ARHGAP12: variants seen among roughly 807,000 people sequenced by gnomAD.
The protein encoded by ARHGAP12 is rho GTPase-activating protein 12.
Under a neutral mutation model 108.6 loss-of-function variants are expected in ARHGAP12, and 64 were observed. That is an observed-to-expected ratio of 0.59 (90% CI 0.48 to 0.73). ARHGAP12 has a LOEUF of 0.73. Among genes scored for constraint, ARHGAP12 ranks in the 30% least tolerant of loss-of-function variants. The pLI is 0.00. For missense variants in ARHGAP12, 940 were observed against 1,005.9 expected, an observed-to-expected ratio of 0.93 and a Z score of 0.89; for synonymous variants, 312 against 337.2, an observed-to-expected ratio of 0.93 and a Z score of 0.82.
chr10:31,887,761 C>T (rs1358740385), intron 3 of ARHGAP12, among the ~76,000 whole-genome samples: 3 of 151,626 alleles, frequency 2.0e-5, no homozygotes. Flanking sequence ...GGGTTCACCC[C>T]ATTCTCCTGC....
intron 10 of ARHGAP12, 61 bp downstream of exon 10, chr10:31,831,676 ATT>A: frequency 2.6e-6 from 3 of 1,137,266 alleles, no homozygotes; most frequent in Non-Finnish European, 3.8e-6. Flanking sequence ...AAATAATTAT[ATT>A]GAGAATTTTT....
At chr10:31,808,818 T>C in intron 18 of ARHGAP12, 67 bp from the exon 19 acceptor site, 1 of 1,535,114 alleles carries the variant, frequency 6.5e-7, no homozygotes, top group East Asian at 2.2e-5. Context: ...ATGTCACAGT[T>C]TGGAAGCTGA....
intron 8 of ARHGAP12, 149 bp from the exon 9 acceptor site, chr10:31,839,468 T>C: frequency 1.8e-6 from 2 of 1,119,594 alleles, no homozygotes; most frequent in Non-Finnish European, 2.5e-6. Context: ...AGGGGGACTT[T>C]TAAATCAATA....
At position 31,908,152 on chromosome 10, in the gene ARHGAP12, C is replaced by T; in HGVS notation, c.684+20G>A. ...TCACTAGGGTGGTACAGTGTTTCCTCATTCTATTTTTAATCTTACCCTTAT... is the reference window on the plus strand; with the variant it reads ...TCACTAGGGTGGTACAGTGTTTCCTTATTCTATTTTTAATCTTACCCTTAT... On this transcript the variant is annotated intron_variant, in intron 3 of 19. Coordinates refer to ENST00000344936, the MANE Select transcript of ARHGAP12 (RefSeq NM_018287.7). The T allele has an allele frequency of 6.5e-7, 1 of 1,539,634 alleles. No homozygotes were observed.
intron 1 of ARHGAP12, among the ~76,000 whole-genome samples, chr10:31,923,058 G>A (rs1213576007): frequency 1.3e-5 from 2 of 148,256 alleles, no homozygotes; most frequent in Non-Finnish European, 3.0e-5. Flanking sequence ...TTGAGCCTGG[G>A]AGTTCGCGAC....
chr10:31,813,222 CA>C (rs1199853356), intron 14 of ARHGAP12, among the ~76,000 whole-genome samples: 2 of 152,054 alleles, frequency 1.3e-5, no homozygotes, highest in East Asian at 3.8e-4. Flanking sequence ...CACAACAAAA[CA>C]ATCCCTATCT....
chr10:31,888,996 G>A (rs1838297996), intron 3 of ARHGAP12, among the ~76,000 whole-genome samples: 1 of 151,772 alleles, frequency 6.6e-6, no homozygotes, highest in Non-Finnish European at 1.5e-5. Flanking sequence ...TGCAACCTCT[G>A]CCTCCCAGGT....
chr10:31,878,894 T>C (rs1837834840), intron 3 of ARHGAP12, among the ~76,000 whole-genome samples: 1 of 152,266 alleles, frequency 6.6e-6, no homozygotes, highest in Non-Finnish European at 1.5e-5. Context: ...CAGATGAATA[T>C]GTATTGTTCT....
At position 31,831,799 on chromosome 10, in the gene ARHGAP12, T is replaced by A. The variant is rs1163175847; in HGVS notation, c.1388A>T (p.Asp463Val). The A allele has an allele frequency of 3.2e-6, 5 of 1,569,170 alleles. No individual in the cohort carries two copies. The highest frequency in any genetic ancestry group is 4.4e-6 in the Non-Finnish European group (5 of 1,143,070). The change falls in exon 10 of 20, where the codon GAT becomes GTT. Residue 463 changes from aspartate to valine, a missense_variant and splice_region_variant. Transcript: ENST00000344936. ...ATTTAATAATCCATATTTCTCTTGA[T>A]CCTATGGAACAGAGTAATACTGTTT... Reference protein sequence around the residue: ...KHQDTASSPKDQEKYGLLNVT... With the variant: ...KHQDTASSPKVQEKYGLLNVT...
intron 3 of ARHGAP12, among the ~76,000 whole-genome samples, chr10:31,862,751 C>T (rs1162510322): frequency 6.7e-6 from 1 of 148,850 alleles, no homozygotes; most frequent in African/African-American, 2.5e-5. Flanking sequence ...CACACACACA[C>T]GCCTCCGACG....
intron 3 of ARHGAP12, among the ~76,000 whole-genome samples, chr10:31,879,777 AT>A (rs1837866985): frequency 6.6e-6 from 1 of 152,224 alleles, no homozygotes. Context: ...GATAAATTCC[AT>A]AACTAATACC....
Position 31,807,845 on chromosome 10 carries a change from A to G in ARHGAP12, c.2367-13T>C. 1.3e-6 allele frequency: 2 copies of G among 1,497,270 alleles called. No homozygotes were observed. Among genetic ancestry groups the G allele is most frequent in the Non-Finnish European group, 1.8e-6 (2 of 1,120,516 alleles). 92.7% of individuals were successfully genotyped at this position (1,497,270 alleles called of 1,614,324 possible). ...ATTTTCTATAACTCTGAAGGGAAAA[A>G]AAGAAGTTGTTAAAAGAGAAAATAA... On this transcript the variant is annotated splice_polypyrimidine_tract_variant and intron_variant, in intron 19 of 19. Coordinates refer to ENST00000344936, the MANE Select transcript of ARHGAP12 (RefSeq NM_018287.7).
At chr10:31,913,536 AG>A (rs1839436807) in intron 1 of ARHGAP12, 4 of 171,510 alleles carry the variant, frequency 2.3e-5, no homozygotes, top group African/African-American at 7.2e-5. Flanking sequence ...GGAGAGCTGC[AG>A]GTGACAAGCA....
chr10:31,843,277 T>C (rs1436890576), intron 7 of ARHGAP12, among the ~76,000 whole-genome samples, 184 bp downstream of exon 7: 1 of 152,066 alleles, frequency 6.6e-6, no homozygotes, highest in Non-Finnish European at 1.5e-5. Flanking sequence ...TGCAATTTGG[T>C]AAAAGAAACA....
intron 14 of ARHGAP12, 43 bp from the exon 15 acceptor site, chr10:31,812,866 G>GT (rs763544232): frequency 5.1e-6 from 6 of 1,187,694 alleles, no homozygotes; most frequent in South Asian, 1.4e-5. Flanking sequence ...TAAAAATAAA[G>GT]TTTTTTTGAT....
chr10:31,870,551 T>C (rs534961503), intron 3 of ARHGAP12, among the ~76,000 whole-genome samples: 18 of 152,242 alleles, frequency 1.2e-4, no homozygotes, highest in Non-Finnish European at 8.8e-5. Context: ...TAATAATAAA[T>C]TGTGTAGTTA....
intron 3 of ARHGAP12, among the ~76,000 whole-genome samples, chr10:31,889,768 A>G (rs1401748374): frequency 3.3e-5 from 5 of 151,404 alleles, no homozygotes; most frequent in South Asian, 2.1e-4. Context: ...CTGGGACTAC[A>G]GGCATGCCCT....
chr10:31,812,467 T>C (rs1835056977), intron 15 of ARHGAP12, among the ~76,000 whole-genome samples: 1 of 152,200 alleles, frequency 6.6e-6, no homozygotes, highest in Admixed American at 6.5e-5. Flanking sequence ...ATCCATGTAG[T>C]TCCTCTGAAA....
chr10:31,828,977 C>A (rs1033885783), intron 10 of ARHGAP12, among the ~76,000 whole-genome samples: 3 of 152,142 alleles, frequency 2.0e-5, no homozygotes, highest in Non-Finnish European at 4.4e-5. Flanking sequence ...AATGGTGAAA[C>A]CCCGTCTCTA....
Sources: gnomAD v4.1 joint callset for allele counts (sites outside exome capture counted in the v4.1 genomes callset) on GRCh38, gnomAD v4.1.1 for gene constraint, MANE v1.5 for transcripts, NCBI Gene and HGNC (gene_info 2026-07-23, HGNC 2026-07-21) for gene names.